Variants in FBXL2 observed in about 807,000 individuals in gnomAD.
The protein encoded by FBXL2 is F-box and leucine rich repeat protein 2.
A neutral mutation model predicts 69.2 loss-of-function variants in FBXL2; 38 were observed. That is an observed-to-expected ratio of 0.55 (90% CI 0.42 to 0.72). FBXL2 has a LOEUF of 0.72. FBXL2 is among the 30% of genes least tolerant of loss of function. The pLI is 0.00. For missense variants in FBXL2, 354 were observed against 520.3 expected (o/e 0.68, Z 3.11); for synonymous variants, 192 against 201.3 (o/e 0.95, Z 0.39).
chr3:33,368,013 T>A (rs963670921), intron 5 of FBXL2, among the ~76,000 whole-genome samples: 3 of 152,250 alleles, frequency 2.0e-5, no homozygotes, highest in Admixed American at 6.5e-5. Flanking sequence ...ATTTGGACAT[T>A]TTCCAGAAGA....
At chr3:33,312,065 TTTTTA>T (rs1445788068) in intron 2 of FBXL2, among the ~76,000 whole-genome samples, 2 of 152,208 alleles carry the variant, frequency 1.3e-5, no homozygotes, top group Non-Finnish European at 2.9e-5. Context: ...TCTTTTTTTA[TTTTTA>T]TTTTGAGACA....
intron 12 of FBXL2, among the ~76,000 whole-genome samples, chr3:33,393,647 G>A (rs1269720140): frequency 6.6e-6 from 1 of 152,024 alleles, no homozygotes; most frequent in Non-Finnish European, 1.5e-5. Context: ...AATCTAAAAC[G>A]TAAGAATACA....
chr3:33,409,247 T>G, the FBXL2 span: 1 of 1,613,886 alleles, frequency 6.2e-7, no homozygotes, highest in South Asian at 1.1e-5. Flanking sequence ...TCTGTGAGGA[T>G]TGTGGTATCA....
intron 2 of FBXL2, among the ~76,000 whole-genome samples, chr3:33,339,548 T>G (rs2039856593): frequency 6.6e-6 from 1 of 152,106 alleles, no homozygotes; most frequent in Admixed American, 6.5e-5. Flanking sequence ...GAGGCCTTCT[T>G]GGGGTGGAGG....
At chr3:33,410,643 A>T in the FBXL2 span, among the ~76,000 whole-genome samples, 1 of 152,206 alleles carries the variant, frequency 6.6e-6, no homozygotes, top group Non-Finnish European at 1.5e-5. Flanking sequence ...ACCACATACA[A>T]ATTTGAACAT....
At chr3:33,295,179 G>C (rs1260243627) in intron 1 of FBXL2, among the ~76,000 whole-genome samples, 1 of 152,104 alleles carries the variant, frequency 6.6e-6, no homozygotes, top group Non-Finnish European at 1.5e-5. Flanking sequence ...TATTCACCAA[G>C]TTGTGTGACT....
At chr3:33,396,314 A>C (rs1456289237) in intron 12 of FBXL2, 1 of 1,508,638 alleles carries the variant, frequency 6.6e-7, no homozygotes, top group African/African-American at 1.4e-5. Context: ...TGAGCCTGGG[A>C]GAGAAAGCTG....
downstream of FBXL2, chr3:33,392,422 GAAATATTCTC>G: frequency 1.4e-6 from 1 of 710,078 alleles, no homozygotes; most frequent in Admixed American, 3.4e-5. Context: ...ACAACCACTA[GAAATATTCTC>G]ATTTATCAAA....
chr3:33,396,256 G>C (rs746806075), intron 12 of FBXL2: 4 of 1,586,322 alleles, frequency 2.5e-6, no homozygotes, highest in Non-Finnish European at 2.6e-6. Flanking sequence ...GGCAGACATA[G>C]ATGGTTAAAC....
chr3:33,306,128 C>G (rs2036693364), intron 2 of FBXL2, among the ~76,000 whole-genome samples: 1 of 151,902 alleles, frequency 6.6e-6, no homozygotes, highest in African/African-American at 2.4e-5. Flanking sequence ...TTTTTTGAGC[C>G]TTAGACAATT....
downstream of FBXL2, among the ~76,000 whole-genome samples, chr3:33,404,193 A>G (rs2044350631): frequency 6.6e-6 from 1 of 152,138 alleles, no homozygotes; most frequent in African/African-American, 2.4e-5. Context: ...TGGGTGGATC[A>G]TGAGGTCAGG....
At chr3:33,365,276 AT>A in intron 5 of FBXL2, among the ~76,000 whole-genome samples, 1 of 135,346 alleles carries the variant, frequency 7.4e-6, no homozygotes, top group East Asian at 2.3e-4. Flanking sequence ...GCCATTATTT[AT>A]TGGGGTTTTT....
At chr3:33,385,418 G>T in intron 14 of FBXL2, 83 bp from the exon 15 acceptor site, 1 of 1,185,906 alleles carries the variant, frequency 8.4e-7, no homozygotes. Context: ...TTTAATAGAG[G>T]ACTATAGGTT....
intron 2 of FBXL2, among the ~76,000 whole-genome samples, chr3:33,357,058 A>C (rs2041251054): frequency 6.6e-6 from 1 of 152,142 alleles, no homozygotes; most frequent in African/African-American, 2.4e-5. Context: ...CAGTGTCCTT[A>C]TCTGTAAAAT....
chr3:33,339,675 C>T (rs2039867414), intron 2 of FBXL2, among the ~76,000 whole-genome samples: 1 of 152,048 alleles, frequency 6.6e-6, no homozygotes, highest in Non-Finnish European at 1.5e-5. Flanking sequence ...TGTAACAAAC[C>T]TGCACATGTA....
the FBXL2 span, among the ~76,000 whole-genome samples, chr3:33,410,720 T>C: frequency 1.3e-5 from 2 of 152,188 alleles, no homozygotes; most frequent in Admixed American, 1.3e-4. Context: ...TTTTTAAAAC[T>C]CATCTCTTAG....
the FBXL2 span, chr3:33,409,186 A>G: frequency 6.4e-7 from 1 of 1,552,574 alleles, no homozygotes; most frequent in African/African-American, 1.4e-5. Context: ...GAAATAGACT[A>G]ATATGCAACC....
At chr3:33,288,660 A>G (rs925421512) in intron 1 of FBXL2, among the ~76,000 whole-genome samples, 1 of 152,228 alleles carries the variant, frequency 6.6e-6, no homozygotes, top group Non-Finnish European at 1.5e-5. Flanking sequence ...TTGGATGAAC[A>G]GCAAGAAAAC....
intron 2 of FBXL2, among the ~76,000 whole-genome samples, chr3:33,317,046 T>C (rs780618911): frequency 6.6e-6 from 1 of 152,038 alleles, no homozygotes; most frequent in Non-Finnish European, 1.5e-5. Flanking sequence ...TGACTACAGG[T>C]GCATGCTATC....
Sources: gnomAD v4.1 joint callset for allele counts (sites outside exome capture counted in the v4.1 genomes callset) on GRCh38, gnomAD v4.1.1 for gene constraint, MANE v1.5 for transcripts, NCBI Gene and HGNC (gene_info 2026-07-23, HGNC 2026-07-21) for gene names.